NHSL1: variants seen among roughly 807,000 people sequenced by gnomAD.
NHSL1 encodes the protein NHS like 1.
A neutral mutation model predicts 95.0 loss-of-function variants in NHSL1; 48 were observed. That is an observed-to-expected ratio of 0.51 (90% CI 0.40 to 0.64). The LOEUF is 0.64. NHSL1 is among the 30% of genes least tolerant of loss of function. The probability of loss-of-function intolerance (pLI) is 0.00; values close to 1 mark genes in which losing one functional copy is unlikely to be tolerated. For missense variants in NHSL1, 1,971 were observed against 2,077.7 expected (o/e 0.95, Z 1.00); for synonymous variants, 783 against 833.9 (o/e 0.94, Z 1.05).
chr6:138,456,769 T>C (rs1777638916), intron 3 of NHSL1, among the ~76,000 whole-genome samples: 2 of 151,898 alleles, frequency 1.3e-5, no homozygotes, highest in African/African-American at 2.4e-5. Flanking sequence ...TGGCAGTACT[T>C]GGCATATGCT....
At position 138,424,793 on chromosome 6, in the gene NHSL1, C is replaced by G; in HGVS notation, c.4109G>C (p.Arg1370Pro). 6.5e-7 allele frequency: 1 copy of G among 1,550,050 alleles called. No homozygotes were observed. Residue 1370 changes from arginine (R) to proline (P), a missense_variant, in exon 8 of 8, where the codon CGT becomes CCT. Around this residue, in one of 3 missense-constraint regions of NHSL1, gnomAD observed 146 missense variants for 206.3 expected, o/e 0.71. Coordinates refer to ENST00000343505, the MANE Select transcript of NHSL1 (RefSeq NM_001144060.2). This position sits in a 1 kb window ranked among gnomAD's most constrained non-coding sequence, Gnocchi z 5.9. ...IHRSKRKVLG[R>P]RDSDDDHSRN... The stretch of plus-strand genomic sequence containing the variant: ...GGAGTGGTCATCATCTGAATCTCTA[C>G]GGCCGAGGACTTTCCTTTTGGATCT...
At chr6:138,455,317 A>G (rs1050458658) in intron 3 of NHSL1, among the ~76,000 whole-genome samples, 2 of 151,680 alleles carry the variant, frequency 1.3e-5, no homozygotes, top group African/African-American at 2.4e-5. Context: ...TTTTTGGGGG[A>G]AAAAAAAATT....
intron 3 of NHSL1, among the ~76,000 whole-genome samples, chr6:138,467,922 C>A (rs892631295): frequency 6.6e-6 from 1 of 151,784 alleles, no homozygotes; most frequent in Non-Finnish European, 1.5e-5. Flanking sequence ...AAACATATTT[C>A]TTTTTTGTAG....
intron 1 of NHSL1, among the ~76,000 whole-genome samples, chr6:138,504,565 G>A (rs1780860095): frequency 6.6e-6 from 1 of 152,206 alleles, no homozygotes; most frequent in South Asian, 2.1e-4. Context: ...AAGCTCATGG[G>A]ACAGCCCTGT....
intron 1 of NHSL1, among the ~76,000 whole-genome samples, chr6:138,517,331 G>T (rs144078994): frequency 3.2e-4 from 49 of 152,230 alleles, no homozygotes; most frequent in African/African-American, 1.2e-3. Flanking sequence ...CTACAAGTAG[G>T]GTTTGCAGAA....
intron 7 of NHSL1, among the ~76,000 whole-genome samples, chr6:138,429,260 T>C (rs17067569): frequency 0.038 from 5,793 of 152,302 alleles, 312 homozygotes; most frequent in African/African-American, 0.12. Context: ...TCTGTATAAC[T>C]GTGGTTTTTC....
Position 138,430,472 on chromosome 6 carries a change from G to A in NHSL1, c.3873C>T (p.Pro1291=), listed in dbSNP as rs1562256084. The A allele has an allele frequency of 9.7e-6, 15 of 1,550,170 alleles. No individual in the cohort carries two copies. The highest frequency in any genetic ancestry group is 1.3e-5 in the Non-Finnish European group (15 of 1,146,138). ...PMVQPDVSPA[P]KQEEPAENSA... ...TGTTCTCGGCTGGCTCCTCCTGCTTGGGGGCTGGTGAGACATCAGGCTGAA... is the reference window on the plus strand; with the variant it reads ...TGTTCTCGGCTGGCTCCTCCTGCTTAGGGGCTGGTGAGACATCAGGCTGAA... The change falls in exon 6 of 8, where the codon CCC becomes CCT. Residue 1291 remains proline (P), a synonymous_variant. Coordinates refer to ENST00000343505, the MANE Select transcript of NHSL1 (RefSeq NM_001144060.2). The surrounding 1 kb of genome is among the most constrained non-coding windows in gnomAD (Gnocchi z 4.7).
At position 138,433,286 on chromosome 6, in the gene NHSL1, A is replaced by G. The variant is rs1775839400; in HGVS notation, c.1059T>C (p.Thr353=). 4 of 1,551,532 alleles carry G rather than the reference A, an allele frequency of 2.6e-6. No homozygotes were observed. The South Asian group carries it at 4.8e-5, about 18-fold the overall frequency. The change falls in exon 6 of 8, where the codon ACT becomes ACC. Residue 353 remains threonine, a synonymous_variant. Transcript: ENST00000343505. ...GTGGGTGACCTCTCTGGTAGAGGAA[A>G]GTGCCATTCATGTCTCCTGCAGGGC... The part of the protein sequence containing the change: ...ALGPAGDMNG[T]FLYQRGHPQA...
chr6:138,449,001 G>A (rs972599934), intron 3 of NHSL1, among the ~76,000 whole-genome samples: 1 of 147,238 alleles, frequency 6.8e-6, no homozygotes, highest in Admixed American at 6.8e-5. Flanking sequence ...GCAGTGAGCC[G>A]AGATCGCACC....
At chr6:138,603,952 A>T (rs1286437259) in intron 1 of NHSL1, among the ~76,000 whole-genome samples, 1 of 152,220 alleles carries the variant, frequency 6.6e-6, no homozygotes, top group Non-Finnish European at 1.5e-5. Flanking sequence ...AATAAAAGAG[A>T]TGTGTCAGGC....
At chr6:138,613,475 T>G (rs1784540656) in intron 1 of NHSL1, among the ~76,000 whole-genome samples, 1 of 152,196 alleles carries the variant, frequency 6.6e-6, no homozygotes, top group Non-Finnish European at 1.5e-5. Flanking sequence ...TTCGTCAACA[T>G]GCAGCATGGG....
chr6:138,433,023 G>A lies in NHSL1; in HGVS notation c.1322C>T (p.Ser441Phe), dbSNP rs771128438. 1.2e-4 allele frequency: 189 copies of A among 1,551,496 alleles called. No individual in the cohort carries two copies. Among genetic ancestry groups the A allele is most frequent in the Non-Finnish European group, 1.6e-4 (180 of 1,147,002 alleles). Residue 441 changes from serine (S) to phenylalanine (F), a missense_variant, in exon 6 of 8, where the codon TCT becomes TTT. Physicochemically the swap from Ser to Phe is radical, Grantham distance 155. This residue lies in a region of NHSL1 where 1,602 missense variants were observed against 1,654.5 expected (regional missense o/e 0.97). Coordinates refer to ENST00000343505, the MANE Select transcript of NHSL1 (RefSeq NM_001144060.2). ...QSAGQRESKS[S>F]GSSHARIKSR... ...TTTTATCCTTGCATGTGATGAGCCA[G>A]AACTTTTACTTTCCCGCTGTCCCGC...
rs1775004404 is a variant in NHSL1 at position 138,422,893 on chromosome 6, T to G, written c.*1188A>C. On this transcript the variant is annotated 3_prime_UTR_variant, in exon 8 of 8. Coordinates refer to ENST00000343505, the MANE Select transcript of NHSL1 (RefSeq NM_001144060.2). ...AGTTTATTTGACTAACAAGAGCTAT[T>G]CAGCATTTTCTTCAAAGTAAGATAA... 6.6e-6 allele frequency: 1 copy of G among 152,130 alleles called. No individual in the cohort carries two copies. The highest frequency in any genetic ancestry group is 1.5e-5 in the Non-Finnish European group (1 of 68,020). 9.4% of individuals were successfully genotyped at this position (152,130 alleles called of 1,614,324 possible).
intron 2 of NHSL1, among the ~76,000 whole-genome samples, chr6:138,475,667 C>T (rs1004718931): frequency 3.9e-5 from 6 of 151,982 alleles, no homozygotes; most frequent in Non-Finnish European, 7.4e-5. Flanking sequence ...AAAGCAAGGC[C>T]GGGCATGGTG....
In NHSL1 at chr6:138,653,348, G is replaced by A. The variant is rs1415080534; in HGVS notation, c.96+39128C>T. Among the ~76,000 whole-genome samples, 9 of 152,060 alleles carry A rather than the reference G, an allele frequency of 5.9e-5. No homozygotes were observed. The East Asian group carries it at 1.3e-3, about 23-fold the overall frequency. ...AGGAGGGTGGATCACGAGGTCAAGG[G>A]ATCAAGACCATCCTGGCCAACAAGG... On this transcript the variant is annotated intron_variant, in intron 1 of 3. Transcript: ENST00000491526.
At chr6:138,631,239 C>T (rs779442501) in intron 1 of NHSL1, among the ~76,000 whole-genome samples, 4 of 152,168 alleles carry the variant, frequency 2.6e-5, no homozygotes, top group Admixed American at 6.5e-5. Context: ...CTCACCACCA[C>T]GAGCTAAAGT....
chr6:138,568,551 T>C (rs899155710), intron 1 of NHSL1, among the ~76,000 whole-genome samples: 1 of 152,214 alleles, frequency 6.6e-6, no homozygotes, highest in Non-Finnish European at 1.5e-5. Context: ...AATATAAGAA[T>C]TGATCATTGC....
intron 5 of NHSL1, among the ~76,000 whole-genome samples, chr6:138,436,854 T>G (rs2128207580): frequency 6.6e-6 from 1 of 152,358 alleles, no homozygotes; most frequent in East Asian, 1.9e-4. Flanking sequence ...AGTCTGCCTG[T>G]GCTCTGTAAA....
chr6:138,479,016 T>G (rs897055654), intron 2 of NHSL1, among the ~76,000 whole-genome samples: 1 of 152,220 alleles, frequency 6.6e-6, no homozygotes, highest in Non-Finnish European at 1.5e-5. Context: ...CATTAAGCTA[T>G]TCTTTAGTCA....
Sources: allele counts gnomAD v4.1 joint callset (sites outside exome capture counted in the v4.1 genomes callset), GRCh38; gene constraint gnomAD v4.1.1; regional missense constraint gnomAD v4.1.1; non-coding constraint Gnocchi (gnomAD v3.1); transcripts MANE v1.5; gene names NCBI Gene and HGNC (gene_info 2026-07-23, HGNC 2026-07-21).